The following LRRC1 variants were observed in gnomAD, a reference collection of about 807,000 sequenced individuals.
LRRC1 encodes the protein leucine rich repeat containing 1.
A neutral mutation model predicts 69.9 loss-of-function variants in LRRC1; 28 were observed. The ratio of observed to expected loss-of-function variants is 0.40; its 90% CI spans 0.30 to 0.55. The LOEUF is 0.55. Ranked by LOEUF, LRRC1 falls within the 20% of genes least tolerant of loss-of-function variation. The pLI is 0.47. For synonymous variants in LRRC1, 236 were observed against 240.2 expected (o/e 0.98, Z 0.16); for missense variants, 498 against 609.0 (o/e 0.82, Z 1.92).
intron 1 of LRRC1, among the ~76,000 whole-genome samples, chr6:53,835,104 A>G (rs1449936093): frequency 6.7e-6 from 1 of 149,328 alleles, no homozygotes; most frequent in Non-Finnish European, 1.5e-5. Context: ...TATAATTCAC[A>G]TACCATACAA....
At chr6:53,911,603 C>CG (rs1234623794) in intron 10 of LRRC1, among the ~76,000 whole-genome samples, 5 of 152,200 alleles carry the variant, frequency 3.3e-5, no homozygotes, top group African/African-American at 1.2e-4. Context: ...AGGACGCTAG[C>CG]GGGGGTCTTC....
intron 2 of LRRC1, among the ~76,000 whole-genome samples, chr6:53,851,264 G>C (rs764467628): frequency 1.3e-5 from 2 of 151,232 alleles, no homozygotes; most frequent in Non-Finnish European, 2.9e-5. Context: ...CTCTCTCTCT[G>C]AGACAGATTT....
chr6:53,842,605 G>A (rs1765826182), intron 2 of LRRC1, among the ~76,000 whole-genome samples: 2 of 152,078 alleles, frequency 1.3e-5, no homozygotes, highest in South Asian at 4.1e-4. Context: ...ATTTAACCTT[G>A]TCCACTTATT....
At chr6:53,901,033 C>G (rs1299885561) in intron 8 of LRRC1, among the ~76,000 whole-genome samples, 4 of 140,000 alleles carry the variant, frequency 2.9e-5, no homozygotes, top group African/African-American at 1.1e-4. Flanking sequence ...TTAAACCCAG[C>G]TGGAAAATCG....
chr6:53,920,812 T>G (rs1768717584), intron 13 of LRRC1, 51 bp downstream of exon 13: 1 of 1,590,746 alleles, frequency 6.3e-7, no homozygotes, highest in Non-Finnish European at 8.6e-7. Context: ...ATTAAAAGAT[T>G]AGAATGGCAC....
chr6:53,888,889 A>T (rs190374434), intron 4 of LRRC1, among the ~76,000 whole-genome samples: 48 of 152,328 alleles, frequency 3.2e-4, no homozygotes, highest in Admixed American at 8.5e-4. Flanking sequence ...ACTTGTGTGC[A>T]TCAAAGAATA....
At chr6:53,822,929 G>T (rs141925106) in intron 1 of LRRC1, among the ~76,000 whole-genome samples, 1 of 152,182 alleles carries the variant, frequency 6.6e-6, no homozygotes, top group Non-Finnish European at 1.5e-5. Context: ...TCCTGGAAAG[G>T]GTTGTCAGAG....
At chr6:53,889,858 G>A (rs1767619291) in intron 4 of LRRC1, among the ~76,000 whole-genome samples, 1 of 152,208 alleles carries the variant, frequency 6.6e-6, no homozygotes, top group Non-Finnish European at 1.5e-5. Context: ...GAAGGATGAT[G>A]TTATACCTGG....
intron 13 of LRRC1, among the ~76,000 whole-genome samples, chr6:53,921,364 C>CAAAGATAGGTAATTCT (rs1768737342): frequency 6.6e-6 from 1 of 151,528 alleles, no homozygotes; most frequent in African/African-American, 2.4e-5. Context: ...CATGGAGAAA[C>CAAAGATAGGTAATTCT]TTTTTTTTTA....
At chr6:53,799,276 C>T (rs757714633) in intron 1 of LRRC1, among the ~76,000 whole-genome samples, 1 of 152,186 alleles carries the variant, frequency 6.6e-6, no homozygotes, top group Non-Finnish European at 1.5e-5. Context: ...TATATCATTA[C>T]CTAACTCCAG....
chr6:53,849,527 G>C (rs571353294), intron 2 of LRRC1, among the ~76,000 whole-genome samples: 1 of 152,324 alleles, frequency 6.6e-6, no homozygotes, highest in Non-Finnish European at 1.5e-5. Flanking sequence ...TGGTGCTGAG[G>C]CTCCAGGCAG....
chr6:53,810,407 T>C (rs1395078247), intron 1 of LRRC1, among the ~76,000 whole-genome samples: 2 of 152,064 alleles, frequency 1.3e-5, no homozygotes, highest in African/African-American at 4.8e-5. Flanking sequence ...GATCATGAGG[T>C]CAGGAGATAG....
chr6:53,842,622 A>G (rs985684117), intron 2 of LRRC1, among the ~76,000 whole-genome samples: 1 of 152,160 alleles, frequency 6.6e-6, no homozygotes, highest in Non-Finnish European at 1.5e-5. Context: ...TATTTTGCTG[A>G]ACATGATATT....
At chr6:53,832,304 T>C (rs577147085) in intron 1 of LRRC1, among the ~76,000 whole-genome samples, 3 of 152,364 alleles carry the variant, frequency 2.0e-5, no homozygotes, top group African/African-American at 4.8e-5. Context: ...CCTGTGTCAT[T>C]TCCTGGATGT....
At chr6:53,819,511 C>T (rs1432618144) in intron 1 of LRRC1, among the ~76,000 whole-genome samples, 1 of 151,992 alleles carries the variant, frequency 6.6e-6, no homozygotes, top group East Asian at 1.9e-4. Context: ...AATATTTAGT[C>T]TTGGAATGAG....
intron 2 of LRRC1, among the ~76,000 whole-genome samples, chr6:53,872,908 C>T (rs563179779): frequency 1.3e-5 from 2 of 151,868 alleles, no homozygotes; most frequent in Non-Finnish European, 2.9e-5. Flanking sequence ...AGGCATGCAC[C>T]GCTGCACCTG....
chr6:53,894,025 G>C (rs1355100898), intron 4 of LRRC1, among the ~76,000 whole-genome samples: 1 of 152,222 alleles, frequency 6.6e-6, no homozygotes, highest in African/African-American at 2.4e-5. Flanking sequence ...AAATTCCAGT[G>C]TCTCTTTTAA....
rs141616983 is a variant in LRRC1 at position 53,835,543 on chromosome 6, A to G, written c.160-6567A>G. ...ACGCTTATTTAACTAATACTTATTT[A>G]TGAGTGTTTGCTAAAACCCTTTCAA... On this transcript the variant is annotated intron_variant, in intron 1 of 13. Coordinates refer to ENST00000370888, the MANE Select transcript of LRRC1 (RefSeq NM_018214.5). 5.3e-5 allele frequency among the ~76,000 whole-genome samples: 8 copies of G among 152,336 alleles called. No individual in the cohort carries two copies. In the East Asian group the frequency reaches 1.3e-3, roughly 26 times the overall value.
chr6:53,850,215 G>A (rs1213503453), intron 2 of LRRC1, among the ~76,000 whole-genome samples: 2 of 152,050 alleles, frequency 1.3e-5, no homozygotes, highest in Non-Finnish European at 2.9e-5. Context: ...TAAATGAAGT[G>A]CTCATTATGT....
Sources: allele counts gnomAD v4.1 joint callset (sites outside exome capture counted in the v4.1 genomes callset), GRCh38; gene constraint gnomAD v4.1.1; transcripts MANE v1.5; gene names NCBI Gene and HGNC (gene_info 2026-07-23, HGNC 2026-07-21).